Variants in POLD1 observed in about 807,000 individuals in gnomAD.
POLD1 encodes DNA polymerase delta catalytic subunit.
Under a neutral mutation model 129.7 loss-of-function variants are expected in POLD1, and 79 were observed. That is an observed-to-expected ratio of 0.61 (90% CI 0.51 to 0.73). POLD1 has a LOEUF of 0.73. Ranked by LOEUF, POLD1 falls within the 30% of genes least tolerant of loss-of-function variation. The probability of loss-of-function intolerance (pLI) is 0.00; values close to 1 mark genes in which losing one functional copy is unlikely to be tolerated. For missense variants in POLD1, 1,338 were observed against 1,595.8 expected, an observed-to-expected ratio of 0.84 and a Z score of 2.75; for synonymous variants, 714 against 683.3, an observed-to-expected ratio of 1.04 and a Z score of -0.70.
chr19:50,406,999 C>A lies in POLD1; in HGVS notation c.1511C>A (p.Thr504Asn). The change falls in exon 13 of 27, where the codon ACC becomes AAC. Residue 504 changes from threonine to asparagine, a missense_variant. Transcript: ENST00000440232. This position sits in a 1 kb window ranked among gnomAD's most constrained non-coding sequence, Gnocchi z 5.5. ...CATCCCCAGAATGGGAACGACCAGA[C>A]CCGCCGCCGCCTGGCTGTGTACTGC... ...ITDLQNGNDQTRRRLAVYCLK... is the reference protein window; with the variant it reads ...ITDLQNGNDQNRRRLAVYCLK... 6.2e-7 allele frequency: 1 copy of A among 1,602,460 alleles called. No homozygotes were observed. Among genetic ancestry groups the A allele is most frequent in the Non-Finnish European group, 8.5e-7 (1 of 1,173,700 alleles).
Position 50,405,559 on chromosome 19 carries a change from C to T in POLD1, c.1243-623C>T, listed in dbSNP as rs139604089. ...GCCAGGGCAACATAGCAAGACCCTG[C>T]CTCTATTAAAGAGAAAACAAGAAAA... On this transcript the variant is annotated intron_variant, in intron 10 of 26. Coordinates refer to ENST00000440232, the MANE Select transcript of POLD1 (RefSeq NM_002691.4). Among the ~76,000 whole-genome samples, 689 of 152,224 alleles carry T rather than the reference C, an allele frequency of 4.5e-3. 5 individuals carry two copies. Among genetic ancestry groups the T allele is most frequent in the African/African-American group, 0.014 (563 of 41,516 alleles).
At chr19:50,416,276 C>A (rs1568639392) in intron 22 of POLD1, 120 bp from the exon 23 acceptor site, 1 of 1,035,184 alleles carries the variant, frequency 9.7e-7, no homozygotes, top group Non-Finnish European at 1.4e-6. Context: ...GACCCAGGCC[C>A]CCCCCATGTC....
intron 1 of POLD1, among the ~76,000 whole-genome samples, chr19:50,386,025 G>A (rs1402937633): frequency 6.6e-6 from 1 of 152,210 alleles, no homozygotes; most frequent in African/African-American, 2.4e-5. Flanking sequence ...AGTCCAGAGT[G>A]CGCTGAGCTA....
In POLD1 at chr19:50,415,712, A is replaced by G. The variant is rs3219433; in HGVS notation, c.2718-12A>G. 0.17 allele frequency: 166,459 copies of G among 970,990 alleles called. 18,031 individuals carry two copies. The highest frequency in any genetic ancestry group is 0.63 in the African/African-American group (38,512 of 61,038). 60.1% of individuals were successfully genotyped at this position (970,990 alleles called of 1,614,324 possible). A position where few individuals can be genotyped will look rare whatever the true frequency, so the allele number is the denominator to read the frequency against. Reference sequence around the variant, plus strand: ...CCTGCCCTCACCCACCCGCCACCCCATCTCCACGCAGGATGAGGAAGCGGG... The same window carrying G: ...CCTGCCCTCACCCACCCGCCACCCCGTCTCCACGCAGGATGAGGAAGCGGG... On this transcript the variant is annotated splice_polypyrimidine_tract_variant and intron_variant, in intron 21 of 26. Transcript: ENST00000440232.
chr19:50,402,425 C>G (rs377645694), intron 6 of POLD1, 29 bp from the exon 7 acceptor site: 1 of 1,612,972 alleles, frequency 6.2e-7, no homozygotes, highest in Non-Finnish European at 8.5e-7. Flanking sequence ...TCGGGCAGCC[C>G]CTGTCCACTG....
At position 50,409,392 on chromosome 19, in the gene POLD1, C is replaced by T; in HGVS notation, c.2007-127C>T. Reference sequence around the variant, plus strand: ...TCCCCTCCTGGCAGCTTCCTTTTGCCCCCTTGGCCAGAAGCTTCTGTGCAG... The same window carrying T: ...TCCCCTCCTGGCAGCTTCCTTTTGCTCCCTTGGCCAGAAGCTTCTGTGCAG... On this transcript the variant is annotated intron_variant, in intron 16 of 26. Coordinates refer to ENST00000440232, the MANE Select transcript of POLD1 (RefSeq NM_002691.4). The surrounding 1 kb of genome is among the most constrained non-coding windows in gnomAD (Gnocchi z 5.8). The T allele has an allele frequency of 2.1e-6, 3 of 1,396,926 alleles. No homozygotes were observed. The highest frequency in any genetic ancestry group is 2.5e-5 in the South Asian group (2 of 79,750). The allele number at this position is 1,396,926 out of a possible 1,614,324, so 86.5% of individuals were successfully genotyped here.
chr19:50,400,522 A>ATTTTT lies in POLD1; in HGVS notation c.316+1062_316+1066dup, dbSNP rs1016107364. Among the ~76,000 whole-genome samples the ATTTTT allele has an allele frequency of 4.6e-4, 29 of 63,522 alleles. No homozygotes were observed. In the South Asian group the frequency reaches 5.2e-3, roughly 11 times the overall value. The allele number at this position is 63,522 out of a possible 152,430, so 41.7% of individuals were successfully genotyped here. On this transcript the variant is annotated intron_variant, in intron 3 of 26. Coordinates refer to ENST00000440232, the MANE Select transcript of POLD1 (RefSeq NM_002691.4). ...AGGAGTGAGTAACTGTGCCCCGCCTATTTTTTTTTTTTTTTTTTTTTTTTT... is the reference window on the plus strand; with the variant it reads ...AGGAGTGAGTAACTGTGCCCCGCCTATTTTTTTTTTTTTTTTTTTTTTTTTTTTTT...
At chr19:50,413,092 A>G (rs1229521133) in intron 17 of POLD1, among the ~76,000 whole-genome samples, 2 of 151,952 alleles carry the variant, frequency 1.3e-5, no homozygotes, top group South Asian at 2.1e-4. Context: ...GTCCTGTACC[A>G]TAGAGAGCTG....
At chr19:50,386,169 TTGCTC>T (rs1196623451) in intron 1 of POLD1, among the ~76,000 whole-genome samples, 1 of 152,058 alleles carries the variant, frequency 6.6e-6, no homozygotes, top group Admixed American at 6.6e-5. Context: ...AGACAGGGTC[TTGCTC>T]TGTCGCCCAG....
At position 50,406,974 on chromosome 19, in the gene POLD1, C is replaced by A. The variant is rs1401894575; in HGVS notation, c.1495-9C>A. 2 of 1,584,938 alleles carry A rather than the reference C, an allele frequency of 1.3e-6. No individual in the cohort carries two copies. The highest frequency in any genetic ancestry group is 1.1e-5 in the South Asian group (1 of 87,586). On this transcript the variant is annotated splice_polypyrimidine_tract_variant and intron_variant, in intron 12 of 26. Transcript: ENST00000440232. The surrounding 1 kb of genome is among the most constrained non-coding windows in gnomAD (Gnocchi z 5.5). Reference sequence around the variant, plus strand: ...CCTGGTCCCTGACCCCATCCGTGCCCATCCCCAGAATGGGAACGACCAGAC... The same window carrying A: ...CCTGGTCCCTGACCCCATCCGTGCCAATCCCCAGAATGGGAACGACCAGAC...
At chr19:50,414,697 G>A (rs935969655) in intron 19 of POLD1, 118 bp from the exon 20 acceptor site, 8 of 791,332 alleles carry the variant, frequency 1.0e-5, no homozygotes, top group Admixed American at 6.4e-5. Context: ...CTCAGGGCAC[G>A]GCTCCCATGT....
chr19:50,416,330 A>T (rs2039288312), intron 22 of POLD1, 66 bp from the exon 23 acceptor site: 1 of 1,520,134 alleles, frequency 6.6e-7, no homozygotes. Flanking sequence ...AGGCCCCATG[A>T]CCACCCCGTG....
Position 50,415,463 on chromosome 19 carries a change from G to T in POLD1, c.2590G>T (p.Ala864Ser), listed in dbSNP as rs765437818. The change falls in exon 21 of 27, where the codon GCA (alanine) becomes TCA (serine). Residue 864 changes from alanine to serine, a missense_variant. Physicochemically the swap from Ala to Ser is moderately conservative, Grantham distance 99. Coordinates refer to ENST00000440232, the MANE Select transcript of POLD1 (RefSeq NM_002691.4). ...DRDPEGAVAH[A>S]QDVISDLLCN... ...AGACCCTGAGGGCGCGGTGGCTCACGCACAGGACGTCATCTCGGACCTGCT... is the reference window on the plus strand; with the variant it reads ...AGACCCTGAGGGCGCGGTGGCTCACTCACAGGACGTCATCTCGGACCTGCT... 12 of 1,612,830 alleles carry T rather than the reference G, an allele frequency of 7.4e-6. No homozygotes were observed. Among genetic ancestry groups the T allele is most frequent in the African/African-American group, 4.0e-5 (3 of 74,918 alleles).
At chr19:50,410,448 G>C (rs912659795) in intron 17 of POLD1, among the ~76,000 whole-genome samples, 1 of 152,124 alleles carries the variant, frequency 6.6e-6, no homozygotes, top group Non-Finnish European at 1.5e-5. Flanking sequence ...AATTCTCAGT[G>C]GGTGGGGCCT....
chr19:50,406,546 C>G lies in POLD1; in HGVS notation c.1494+29C>G. Reference sequence around the variant, plus strand: ...CCTGCTGCCTCCCTGACCTCTCACCCCAACCTCTGACCTCCACCTCACCCT... The same window carrying G: ...CCTGCTGCCTCCCTGACCTCTCACCGCAACCTCTGACCTCCACCTCACCCT... On this transcript the variant is annotated intron_variant, in intron 12 of 26. Transcript: ENST00000440232. The surrounding 1 kb of genome is among the most constrained non-coding windows in gnomAD (Gnocchi z 5.5). The G allele has an allele frequency of 6.7e-7, 1 of 1,493,956 alleles. No individual in the cohort carries two copies. Among genetic ancestry groups the G allele is most frequent in the Non-Finnish European group, 9.1e-7 (1 of 1,094,290 alleles). 92.5% of individuals were successfully genotyped at this position (1,493,956 alleles called of 1,614,324 possible). A position where few individuals can be genotyped will look rare whatever the true frequency, so the allele number is the denominator to read the frequency against.
intron 14 of POLD1, 32 bp downstream of exon 14, chr19:50,407,447 T>G (rs771294255): frequency 6.9e-7 from 1 of 1,448,924 alleles, no homozygotes; most frequent in Admixed American, 2.0e-5. Context: ...AGTTTTTACC[T>G]GTAATCTCTG....
rs369896998 is a variant in POLD1 at position 50,402,222 on chromosome 19, G to A, written c.607G>A (p.Gly203Arg). Residue 203 changes from glycine to arginine, a missense_variant, in exon 6 of 27, where the codon GGG (glycine) becomes AGG (arginine). Gly to Arg is a moderately radical substitution (Grantham distance 125). Around this residue, in one of 3 missense-constraint regions of POLD1, gnomAD observed 332 missense variants for 315.7 expected, o/e 1.05. Coordinates refer to ENST00000440232, the MANE Select transcript of POLD1 (RefSeq NM_002691.4). ...CSRESMFGYH[G>R]HGPSPFLRIT... ...ATCCACAGGCATGTTTGGGTACCAC[G>A]GGCACGGCCCCTCCCCGTTCCTGCG... is the stretch of plus-strand genomic sequence containing the variant. 2.7e-5 allele frequency: 43 copies of A among 1,585,610 alleles called. No individual in the cohort carries two copies. Among genetic ancestry groups the A allele is most frequent in the African/African-American group, 2.7e-4 (20 of 74,416 alleles).
chr19:50,417,688 C>CG (rs2122517725), intron 26 of POLD1, among the ~76,000 whole-genome samples, 154 bp from the exon 27 acceptor site: 1 of 141,142 alleles, frequency 7.1e-6, no homozygotes, highest in African/African-American at 3.0e-5. Context: ...CCCCACCCCC[C>CG]CCGTGCCTGC....
At chr19:50,389,333 G>A (rs889750019) in intron 1 of POLD1, among the ~76,000 whole-genome samples, 2 of 151,592 alleles carry the variant, frequency 1.3e-5, no homozygotes, top group Admixed American at 1.3e-4. Flanking sequence ...TGTTGCCTAG[G>A]CTGATCTCAA....
Sources: gnomAD v4.1 joint callset for allele counts (sites outside exome capture counted in the v4.1 genomes callset) on GRCh38, gnomAD v4.1.1 for gene constraint, gnomAD v4.1.1 regional missense constraint, Gnocchi (gnomAD v3.1) non-coding constraint, MANE v1.5 for transcripts, NCBI Gene and HGNC (gene_info 2026-07-23, HGNC 2026-07-21) for gene names.